LRPPRC: variants seen among roughly 807,000 people sequenced by gnomAD.
The protein encoded by LRPPRC is leucine rich pentatricopeptide repeat containing.
LRPPRC carries 120 observed loss-of-function variants against 180.3 expected under a neutral mutation model. That is an observed-to-expected ratio of 0.67 (90% CI 0.57 to 0.77). The LOEUF is 0.77. LRPPRC is among the 30% of genes least tolerant of loss of function. The pLI is 0.00. For synonymous variants in LRPPRC, 723 were observed against 600.0 expected (o/e 1.21, Z -3.00); for missense variants, 2,012 against 1,657.2 (o/e 1.21, Z -3.72).
At position 43,960,591 on chromosome 2, in the gene LRPPRC, C is replaced by A; in HGVS notation, c.1532G>T (p.Gly511Val). Reference sequence around the variant, plus strand: ...CCCATTTGCTGCTTCACTTCTCAATCCAGCTTGAGAAAACATATCACTATC... The same window carrying A: ...CCCATTTGCTGCTTCACTTCTCAATACAGCTTGAGAAAACATATCACTATC... ...LSDSDMFSQAGLRSEAANGNL... is the reference protein window; with the variant it reads ...LSDSDMFSQAVLRSEAANGNL... The change falls in exon 13 of 38, where the codon GGA (glycine) becomes GTA (valine). Residue 511 changes from glycine to valine, a missense_variant. Transcript: ENST00000260665. 1 of 1,607,452 alleles carries A rather than the reference C, an allele frequency of 6.2e-7. No individual in the cohort carries two copies. Among genetic ancestry groups the A allele is most frequent in the Non-Finnish European group, 8.5e-7 (1 of 1,175,144 alleles).
At chr2:43,996,056 T>C, upstream of LRPPRC, 1 of 1,116,352 alleles carries the variant, frequency 9.0e-7, no homozygotes. Flanking sequence ...GCGTGCCAAA[T>C]GTGGGGGGAG....
At chr2:43,966,941 C>A (rs929454720) in intron 11 of LRPPRC, among the ~76,000 whole-genome samples, 3 of 151,840 alleles carry the variant, frequency 2.0e-5, no homozygotes, top group Non-Finnish European at 4.4e-5. Flanking sequence ...ATCCCAGCTA[C>A]TAGAGAGGCT....
Position 43,956,959 on chromosome 2 carries a change from T to C in LRPPRC, c.1649+426A>G, listed in dbSNP as rs1388493020. 2.8e-4 allele frequency among the ~76,000 whole-genome samples: 42 copies of C among 152,198 alleles called. 1 individual carries two copies. Among genetic ancestry groups the C allele is most frequent in the Non-Finnish European group, 5.9e-5 (4 of 68,034 alleles). The stretch of plus-strand genomic sequence containing the variant: ...TTTTACTATTCTTTCAGCTTTTATG[T>C]TTATCTATTTTCAAAATAACAAAAT... On this transcript the variant is annotated intron_variant, in intron 14 of 37. Transcript: ENST00000260665.
intron 27 of LRPPRC, among the ~76,000 whole-genome samples, chr2:43,921,905 T>C (rs1341775124): frequency 6.6e-6 from 1 of 152,238 alleles, no homozygotes; most frequent in Non-Finnish European, 1.5e-5. Flanking sequence ...AAGAATTGTA[T>C]TGCAAAATTA....
At chr2:43,916,693 C>A (rs536447078) in intron 29 of LRPPRC, among the ~76,000 whole-genome samples, 2 of 152,132 alleles carry the variant, frequency 1.3e-5, no homozygotes, top group South Asian at 4.2e-4. Flanking sequence ...GTGGCTCATA[C>A]CAGCAATCCC....
intron 36 of LRPPRC, among the ~76,000 whole-genome samples, chr2:43,893,582 A>C (rs1487008529): frequency 3.3e-5 from 5 of 152,244 alleles, no homozygotes. Context: ...TTTTAAAAAC[A>C]TAATGCTATT....
At chr2:43,945,010 A>C (rs1264409182) in intron 22 of LRPPRC, among the ~76,000 whole-genome samples, 1 of 152,110 alleles carries the variant, frequency 6.6e-6, no homozygotes, top group Non-Finnish European at 1.5e-5. Context: ...CTTAAGCAAA[A>C]ACAAAGCCAT....
Position 43,950,619 on chromosome 2 carries a change from G to C in LRPPRC, c.1650-19C>G. ...CATAGACCTGCAGAGGGCAGCAAAGGATCGAAAATAAACCCAGGTTTATTT... is the reference window on the plus strand; with the variant it reads ...CATAGACCTGCAGAGGGCAGCAAAGCATCGAAAATAAACCCAGGTTTATTT... On this transcript the variant is annotated intron_variant, in intron 14 of 37. Transcript: ENST00000260665. 1 of 1,610,142 alleles carries C rather than the reference G, an allele frequency of 6.2e-7. No individual in the cohort carries two copies. The highest frequency in any genetic ancestry group is 2.2e-5 in the East Asian group (1 of 44,830).
chr2:43,942,850 G>A (rs1057211706), intron 23 of LRPPRC, among the ~76,000 whole-genome samples: 3 of 151,614 alleles, frequency 2.0e-5, no homozygotes, highest in African/African-American at 2.4e-5. Flanking sequence ...TTTCATTTTC[G>A]GTGTTTTACT....
In LRPPRC at chr2:43,976,178, T is replaced by C. The variant is rs761126189; in HGVS notation, c.702A>G (p.Val234=). ...KTKDLPVTEA[V]FSALVTGHAR... is the part of the protein sequence containing the mutation. ...CATGCCCTGTCACAAGGGCACTGAA[T>C]ACTGCCTCTGTAACTGGGAGATCCT... Residue 234 remains valine, a synonymous_variant, in exon 6 of 38, where the codon GTA becomes GTG. Coordinates refer to ENST00000260665, the MANE Select transcript of LRPPRC (RefSeq NM_133259.4). 7 of 1,613,006 alleles carry C rather than the reference T, an allele frequency of 4.3e-6. No individual in the cohort carries two copies. Among genetic ancestry groups the C allele is most frequent in the Admixed American group, 3.3e-5 (2 of 60,024 alleles).
chr2:43,920,856 G>C (rs764050009), intron 27 of LRPPRC, among the ~76,000 whole-genome samples: 2 of 152,118 alleles, frequency 1.3e-5, no homozygotes, highest in African/African-American at 4.8e-5. Context: ...ACAATAAAAA[G>C]GTGGGTGGAT....
chr2:43,980,969 GTAATAAT>G (rs937612416), intron 2 of LRPPRC, among the ~76,000 whole-genome samples: 11 of 152,118 alleles, frequency 7.2e-5, no homozygotes, highest in Non-Finnish European at 1.5e-5. Context: ...CATAACTATA[GTAATAAT>G]TAATACTTCT....
At chr2:43,994,578 G>A (rs1674935719) in intron 1 of LRPPRC, among the ~76,000 whole-genome samples, 2 of 140,700 alleles carry the variant, frequency 1.4e-5, no homozygotes, top group Admixed American at 1.4e-4. Flanking sequence ...AGGATAAAAT[G>A]CAGATAAATC....
At chr2:43,931,505 C>T (rs1162861973) in intron 25 of LRPPRC, among the ~76,000 whole-genome samples, 2 of 152,216 alleles carry the variant, frequency 1.3e-5, no homozygotes, top group Non-Finnish European at 2.9e-5. Flanking sequence ...TTTGCTGCCT[C>T]AGGGCCCTCA....
At position 43,901,415 on chromosome 2, in the gene LRPPRC, T is replaced by C. The variant is rs748296631; in HGVS notation, c.3474A>G (p.Ile1158Met). The change falls in exon 32 of 38, where the codon ATA (isoleucine) becomes ATG (methionine). Residue 1158 changes from isoleucine to methionine, a missense_variant. Ile to Met is a conservative substitution (Grantham distance 10). Transcript: ENST00000260665. ...CATTTAACATCTTCTGAACTACTTC[T>C]ATGTTTTCAACATCACCCTTCATGG... Reference protein sequence around the residue: ...ALAMKGDVENIEVVQKMLNGL... With the variant: ...ALAMKGDVENMEVVQKMLNGL... The C allele has an allele frequency of 6.2e-7, 1 of 1,613,796 alleles. No individual in the cohort carries two copies. The highest frequency in any genetic ancestry group is 8.5e-7 in the Non-Finnish European group (1 of 1,179,612).
At position 43,957,411 on chromosome 2, in the gene LRPPRC, T is replaced by A. The variant is rs1673163352; in HGVS notation, c.1623A>T (p.Arg541Ser). Residue 541 changes from arginine to serine, a missense_variant, in exon 14 of 38, where the codon AGA (arginine) becomes AGT (serine). Coordinates refer to ENST00000260665, the MANE Select transcript of LRPPRC (RefSeq NM_133259.4). ...NTLPISLQSIRSSLLLGFRRS... is the reference protein window; with the variant it reads ...NTLPISLQSISSSLLLGFRRS... ...TCCTGAAGCCTAGCAGTAGGCTACT[T>A]CTTATAGACTGCAGCGAGATGGGCA... is the stretch of plus-strand genomic sequence containing the variant. 1 of 1,613,534 alleles carries A rather than the reference T, an allele frequency of 6.2e-7. No individual in the cohort carries two copies. The highest frequency in any genetic ancestry group is 1.7e-4 in the Middle Eastern group (1 of 6,056).
At chr2:43,963,125 A>G (rs958343748) in intron 12 of LRPPRC, among the ~76,000 whole-genome samples, 6 of 152,178 alleles carry the variant, frequency 3.9e-5, no homozygotes, top group African/African-American at 1.4e-4. Flanking sequence ...TGTTATACCA[A>G]CTAATATTTT....
Position 43,973,631 on chromosome 2 carries a change from G to A in LRPPRC, c.1345C>T (p.Arg449Cys), listed in dbSNP as rs756808295. 1.4e-5 allele frequency: 23 copies of A among 1,613,208 alleles called. No individual in the cohort carries two copies. Among genetic ancestry groups the A allele is most frequent in the African/African-American group, 2.7e-5 (2 of 74,842 alleles). Residue 449 changes from arginine (R) to cysteine (C), a missense_variant, in exon 11 of 38, where the codon CGT becomes TGT. Physicochemically the swap from Arg to Cys is radical, Grantham distance 180. Coordinates refer to ENST00000260665, the MANE Select transcript of LRPPRC (RefSeq NM_133259.4). ...PHYFWPLLVG[R>C]RKEKNVQGII... ...CCTTGAACATTTTTTTCCTTCCGAC[G>A]TCCAACTAGCAATGGCCAGAAATAG... is the stretch of plus-strand genomic sequence containing the variant.
chr2:43,900,448 G>C (rs865778546), intron 32 of LRPPRC, among the ~76,000 whole-genome samples: 2 of 151,986 alleles, frequency 1.3e-5, no homozygotes, highest in Non-Finnish European at 2.9e-5. Flanking sequence ...TTACTTAATA[G>C]TGAATATGTT....
Sources: gnomAD v4.1 joint callset for allele counts (sites outside exome capture counted in the v4.1 genomes callset) on GRCh38, gnomAD v4.1.1 for gene constraint, MANE v1.5 for transcripts, NCBI Gene and HGNC (gene_info 2026-07-23, HGNC 2026-07-21) for gene names.